Variants in HIVEP3 observed in about 807,000 individuals in gnomAD.
The protein encoded by HIVEP3 is HIVEP zinc finger 3.
In HIVEP3, 49 loss-of-function variants were observed where a neutral mutation model predicts 152.8. The observed-to-expected ratio is 0.32, with a 90% CI of 0.26 to 0.41. The LOEUF is 0.41. Among genes scored for constraint, HIVEP3 ranks in the 10% least tolerant of loss-of-function variants. HIVEP3 has a pLI of 1.00. For synonymous variants in HIVEP3, 1,269 were observed against 1,289.0 expected, an observed-to-expected ratio of 0.98 and a Z score of 0.33; for missense variants, 2,790 against 3,103.3, an observed-to-expected ratio of 0.90 and a Z score of 2.40.
intron 1 of HIVEP3, among the ~76,000 whole-genome samples, chr1:41,900,463 T>C (rs1644602198): frequency 6.6e-6 from 1 of 152,196 alleles, no homozygotes; most frequent in Admixed American, 6.5e-5. Context: ...TGGTGCAAGG[T>C]GAGAGTCAAA....
At chr1:41,940,304 T>C (rs1205146233) in intron 1 of HIVEP3, among the ~76,000 whole-genome samples, 1 of 152,188 alleles carries the variant, frequency 6.6e-6, no homozygotes, top group East Asian at 1.9e-4. Flanking sequence ...AATCTACAGA[T>C]TGCTAACATT....
chr1:41,608,765 T>G (rs1187361513), intron 3 of HIVEP3, among the ~76,000 whole-genome samples: 1 of 152,202 alleles, frequency 6.6e-6, no homozygotes, highest in Non-Finnish European at 1.5e-5. Context: ...GCTGTTATGA[T>G]GTCATCCTTT....
intron 2 of HIVEP3, among the ~76,000 whole-genome samples, chr1:41,633,356 G>A (rs1220529542): frequency 6.6e-6 from 1 of 152,198 alleles, no homozygotes; most frequent in South Asian, 2.1e-4. Context: ...CGGGCAGTGA[G>A]GGCCCACCTG....
intron 1 of HIVEP3, among the ~76,000 whole-genome samples, chr1:41,857,309 T>C (rs563152815): frequency 6.6e-6 from 1 of 152,186 alleles, no homozygotes; most frequent in African/African-American, 2.4e-5. Context: ...AAGAGTTATT[T>C]GTACTACAGA....
intron 1 of HIVEP3, among the ~76,000 whole-genome samples, chr1:41,811,302 G>A (rs1650944386): frequency 6.6e-6 from 1 of 151,200 alleles, no homozygotes; most frequent in African/African-American, 2.4e-5. Flanking sequence ...AGGAACAGTG[G>A]TCTGTGCTAG....
At chr1:41,962,193 T>C (rs1312738464) in intron 1 of HIVEP3, among the ~76,000 whole-genome samples, 1 of 152,038 alleles carries the variant, frequency 6.6e-6, no homozygotes, top group Non-Finnish European at 1.5e-5. Flanking sequence ...GAAAGGGCAA[T>C]AAATATTTAC....
chr1:42,021,167 G>A (rs140245478), intron 1 of HIVEP3, among the ~76,000 whole-genome samples: 43 of 152,200 alleles, frequency 2.8e-4, no homozygotes, highest in Non-Finnish European at 4.7e-4. Context: ...AGACCATAAG[G>A]GGGAAAAAAG....
chr1:41,711,008 C>T (rs764558808), intron 1 of HIVEP3, among the ~76,000 whole-genome samples: 3 of 152,210 alleles, frequency 2.0e-5, no homozygotes, highest in Non-Finnish European at 4.4e-5. Context: ...GGCTGGTAAG[C>T]GGTAGTGCCT....
intron 1 of HIVEP3, among the ~76,000 whole-genome samples, chr1:41,910,804 GA>G (rs1298410322): frequency 6.6e-6 from 1 of 151,784 alleles, no homozygotes; most frequent in Non-Finnish European, 1.5e-5. Flanking sequence ...TAATTTGAAA[GA>G]AAAAAAGCTC....
At chr1:41,570,728 G>C (rs1344860008) in intron 5 of HIVEP3, among the ~76,000 whole-genome samples, 1 of 152,198 alleles carries the variant, frequency 6.6e-6, no homozygotes, top group Non-Finnish European at 1.5e-5. Context: ...GCTCAGGAAA[G>C]AATAGAAGTG....
At chr1:41,634,892 G>A (rs1645246867) in intron 2 of HIVEP3, among the ~76,000 whole-genome samples, 1 of 152,140 alleles carries the variant, frequency 6.6e-6, no homozygotes, top group Non-Finnish European at 1.5e-5. Context: ...GAAAGAACAG[G>A]AAATGTCTTG....
intron 1 of HIVEP3, among the ~76,000 whole-genome samples, chr1:42,014,259 C>T (rs1304297675): frequency 1.3e-5 from 2 of 151,932 alleles, no homozygotes; most frequent in Admixed American, 6.6e-5. Context: ...ACAAAATGAA[C>T]AATACAGCTG....
At chr1:42,023,869 G>T (rs1469626320) in intron 1 of HIVEP3, among the ~76,000 whole-genome samples, 1 of 152,174 alleles carries the variant, frequency 6.6e-6, no homozygotes, top group African/African-American at 2.4e-5. Context: ...TAAAGTGATA[G>T]TCGAATTACA....
At chr1:41,889,242 C>T (rs1032473171) in intron 1 of HIVEP3, among the ~76,000 whole-genome samples, 3 of 152,080 alleles carry the variant, frequency 2.0e-5, no homozygotes, top group Admixed American at 6.5e-5. Context: ...CACAGTCCCA[C>T]CCCACATCCC....
In HIVEP3 at chr1:41,878,361, G is replaced by T. The variant is rs559547517; in HGVS notation, c.-801+40052C>A. ...GGTTCATCTTCATTCTCTCCAAAAG[G>T]ATATGAGGGTCCTGCTGTATTTCAA... On this transcript the variant is annotated intron_variant, in intron 1 of 8. Transcript: ENST00000372583. 3.3e-5 allele frequency among the ~76,000 whole-genome samples: 5 copies of T among 152,220 alleles called. No individual in the cohort carries two copies. The East Asian group carries it at 9.6e-4, about 29-fold the overall frequency.
intron 3 of HIVEP3, among the ~76,000 whole-genome samples, chr1:41,604,295 A>G (rs1190321288): frequency 6.6e-6 from 1 of 152,256 alleles, no homozygotes; most frequent in African/African-American, 2.4e-5. Context: ...AACAAATAGA[A>G]TGGATAAATA....
At chr1:41,920,043 C>T (rs374878647), upstream of HIVEP3, among the ~76,000 whole-genome samples, 4 of 152,312 alleles carry the variant, frequency 2.6e-5, no homozygotes, top group African/African-American at 9.6e-5. Flanking sequence ...CCAGGCAAAC[C>T]GTGAAAACAA....
At chr1:41,544,789 CTGCTACCAT>C (rs1558045957) in intron 5 of HIVEP3, among the ~76,000 whole-genome samples, 6 of 145,696 alleles carry the variant, frequency 4.1e-5, no homozygotes, top group African/African-American at 7.9e-5. Flanking sequence ...TCTACCTCCA[CTGCTACCAT>C]CACCACCACC....
intron 1 of HIVEP3, among the ~76,000 whole-genome samples, chr1:41,706,826 T>G (rs769010955): frequency 5.9e-5 from 9 of 152,168 alleles, no homozygotes; most frequent in Non-Finnish European, 1.2e-4. Flanking sequence ...TGTTCTGAGG[T>G]GTTGCCCACA....
Sources: gnomAD v4.1 joint callset for allele counts (sites outside exome capture counted in the v4.1 genomes callset) on GRCh38, gnomAD v4.1.1 for gene constraint, MANE v1.5 for transcripts, NCBI Gene and HGNC (gene_info 2026-07-23, HGNC 2026-07-21) for gene names.